The following CFAP298 variants were observed in gnomAD, a reference collection of about 807,000 sequenced individuals.
The protein encoded by CFAP298 is cilia and flagella associated protein 298.
CFAP298 carries 38 observed loss-of-function variants against 41.0 expected under a neutral mutation model. The observed-to-expected ratio is 0.93, with a 90% CI of 0.72 to 1.22. CFAP298 has a LOEUF of 1.22. CFAP298 is among the 50% of genes most tolerant of loss of function. CFAP298 has a pLI of 0.00. For synonymous variants in CFAP298, 137 were observed against 135.3 expected (o/e 1.01, Z -0.09); for missense variants, 348 against 360.3 (o/e 0.97, Z 0.28).
In CFAP298 at chr21:32,601,288, CTTT is replaced by C. The variant is rs1158009254; in HGVS notation, c.*572_*574del. Among the ~76,000 whole-genome samples, 1,991 of 92,050 alleles carry C rather than the reference CTTT, an allele frequency of 0.022. 11 individuals are homozygous for C. Among genetic ancestry groups the C allele is most frequent in the South Asian group, 0.048 (108 of 2,254 alleles). 60.4% of individuals were successfully genotyped at this position (92,050 alleles called of 152,430 possible). The stretch of plus-strand genomic sequence containing the variant: ...CAATCAGGAAGAAAAAAAAGTGTAG[CTTT>C]TTTTTTTTTTTTTTTTTTTTTTGAG... On this transcript the variant is annotated 3_prime_UTR_variant, in exon 7 of 7. Transcript: ENST00000290155.
chr21:32,610,063 G>A, intron 1 of CFAP298, 58 bp from the exon 2 acceptor site: 4 of 1,471,034 alleles, frequency 2.7e-6, no homozygotes, highest in Non-Finnish European at 3.7e-6. Context: ...CCATTGGAAT[G>A]TAAGCTCCAA....
At chr21:32,606,638 C>T (rs1488409918) in intron 3 of CFAP298, among the ~76,000 whole-genome samples, 1 of 152,210 alleles carries the variant, frequency 6.6e-6, no homozygotes, top group East Asian at 1.9e-4. Context: ...TTTGCTGAGG[C>T]TCTTCAAAGA....
intron 3 of CFAP298, among the ~76,000 whole-genome samples, chr21:32,605,926 C>T (rs1462786944): frequency 6.6e-6 from 1 of 152,088 alleles, no homozygotes; most frequent in Admixed American, 6.5e-5. Flanking sequence ...CAAAAGGCTA[C>T]AGGAGAGCCT....
Position 32,612,120 on chromosome 21 carries a change from G to C in CFAP298, c.124C>G (p.Gln42Glu), listed in dbSNP as rs2039014814. 6 of 1,557,704 alleles carry C rather than the reference G, an allele frequency of 3.9e-6. No individual in the cohort carries two copies. The highest frequency in any genetic ancestry group is 5.2e-6 in the Non-Finnish European group (6 of 1,151,328). Residue 42 changes from glutamine to glutamate, a missense_variant, in exon 1 of 7, where the codon CAG becomes GAG. Transcript: ENST00000290155. ...ARVYNGRLKV[Q>E]RLCSEMEELA... Reference sequence around the variant, plus strand: ...CGAGCCGCACCTGAGCAGAGGCGCTGCACCTTGAGCCGCCCATTATAGACC... The same window carrying C: ...CGAGCCGCACCTGAGCAGAGGCGCTCCACCTTGAGCCGCCCATTATAGACC...
rs1006485901 is a variant in CFAP298, at chr21:32,600,115, C to T, written c.*1748G>A. Among the ~76,000 whole-genome samples the T allele has an allele frequency of 1.3e-5, 2 of 152,216 alleles. No homozygotes were observed. The highest frequency in any genetic ancestry group is 2.9e-5 in the Non-Finnish European group (2 of 68,040). ...GAATTTAACACACACGAACTATACA[C>T]TGACAAAGACAGGATGCTCCTGAAA... On this transcript the variant is annotated 3_prime_UTR_variant, in exon 7 of 7. Transcript: ENST00000290155.
At chr21:32,606,553 G>T (rs957379927) in intron 3 of CFAP298, among the ~76,000 whole-genome samples, 2 of 152,320 alleles carry the variant, frequency 1.3e-5, no homozygotes, top group African/African-American at 4.8e-5. Context: ...CAAACGACGG[G>T]CTCAACCAGG....
chr21:32,608,330 TGA>T (rs1476828702), intron 2 of CFAP298, among the ~76,000 whole-genome samples: 1 of 151,582 alleles, frequency 6.6e-6, no homozygotes, highest in Non-Finnish European at 1.5e-5. Flanking sequence ...AATTAGACAT[TGA>T]AAATATTAGA....
chr21:32,602,522 C>G (rs2038766736), intron 5 of CFAP298, 155 bp from the exon 6 acceptor site: 2 of 1,438,870 alleles, frequency 1.4e-6, no homozygotes, highest in Admixed American at 2.7e-5. Context: ...TCAAGGGAAG[C>G]CTTGGTCTTG....
In CFAP298 at chr21:32,601,887, T is replaced by C; in HGVS notation, c.849A>G (p.Lys283=). The C allele has an allele frequency of 3.1e-6, 5 of 1,610,592 alleles. No individual in the cohort carries two copies. Among genetic ancestry groups the C allele is most frequent in the Non-Finnish European group, 4.2e-6 (5 of 1,176,874 alleles). The part of the protein sequence containing the change: ...TALKRHFHGV[K]DIKWRPR ...TTCATCTTGGTCTCCACTTTATGTCTTTCACTCCATGAAAATGTCTTTTCA... is the reference window on the plus strand; with the variant it reads ...TTCATCTTGGTCTCCACTTTATGTCCTTCACTCCATGAAAATGTCTTTTCA... Residue 283 remains lysine (K), a synonymous_variant, in exon 7 of 7, where the codon AAA becomes AAG. Transcript: ENST00000290155.
chr21:32,604,851 G>A (rs2038833443), intron 3 of CFAP298, among the ~76,000 whole-genome samples: 2 of 152,236 alleles, frequency 1.3e-5, no homozygotes, highest in Admixed American at 1.3e-4. Context: ...GAGTGGTAAT[G>A]TTGAGAGATT....
At chr21:32,609,775 A>C in intron 2 of CFAP298, 63 bp downstream of exon 2, 5 of 1,424,472 alleles carry the variant, frequency 3.5e-6, no homozygotes, top group Non-Finnish European at 4.8e-6. Flanking sequence ...AAAAAAAAAA[A>C]GGAACTGTTT....
At chr21:32,608,335 A>G (rs2038913506) in intron 2 of CFAP298, among the ~76,000 whole-genome samples, 2 of 152,088 alleles carry the variant, frequency 1.3e-5, no homozygotes, top group African/African-American at 4.8e-5. Flanking sequence ...GACATTGAAA[A>G]TATTAGAAAC....
rs375347058 is a variant in CFAP298, at chr21:32,609,887, G to A, written c.258C>T (p.Ser86=). Residue 86 remains serine (S), a synonymous_variant, in exon 2 of 7, where the codon AGC becomes AGT. Transcript: ENST00000290155. ...CATCCTTTTTAAACACTGCACCTCCGCTGGGTACGCATTTTTCACCCCATT... is the reference window on the plus strand; with the variant it reads ...CATCCTTTTTAAACACTGCACCTCCACTGGGTACGCATTTTTCACCCCATT... ...KDEWGEKCVP[S]GGAVFKKDDI... is the part of the protein sequence containing the mutation. The A allele has an allele frequency of 2.5e-5, 40 of 1,613,896 alleles. No homozygotes were observed. Among genetic ancestry groups the A allele is most frequent in the Middle Eastern group, 1.6e-4 (1 of 6,084 alleles).
intron 3 of CFAP298, among the ~76,000 whole-genome samples, chr21:32,605,353 G>C (rs549713232): frequency 6.6e-6 from 1 of 152,288 alleles, no homozygotes; most frequent in African/African-American, 2.4e-5. Context: ...TTTATAACGA[G>C]CCCCTTCTCA....
rs1020865208 is a variant in CFAP298 at position 32,600,556 on chromosome 21, C to T, written c.*1307G>A. Among the ~76,000 whole-genome samples the T allele has an allele frequency of 7.2e-6, 1 of 139,116 alleles. No homozygotes were observed. The highest frequency in any genetic ancestry group is 2.4e-4 in the South Asian group (1 of 4,238). The allele number at this position is 139,116 out of a possible 152,430, so 91.3% of individuals were successfully genotyped here. On this transcript the variant is annotated 3_prime_UTR_variant, in exon 7 of 7. Transcript: ENST00000290155. ...ACCAGGAGAACAGGACCCTAGGCACCAAAAGTCAAGCATGAGGGACTGCCA... is the reference window on the plus strand; with the variant it reads ...ACCAGGAGAACAGGACCCTAGGCACTAAAAGTCAAGCATGAGGGACTGCCA...
intron 3 of CFAP298, 79 bp from the exon 4 acceptor site, chr21:32,604,362 T>C: frequency 6.6e-7 from 1 of 1,509,376 alleles, no homozygotes; most frequent in Non-Finnish European, 9.2e-7. Flanking sequence ...TACAAGACCC[T>C]TGCCAGATAC....
intron 5 of CFAP298, chr21:32,602,893 T>TTGCAGCC: frequency 7.4e-7 from 1 of 1,344,976 alleles, no homozygotes. Flanking sequence ...ATCTGTTTAC[T>TTGCAGCC]TGCAGCCCTA....
rs16989555 is a variant in CFAP298 at position 32,599,965 on chromosome 21, C to T, written c.*1898G>A. Reference sequence around the variant, plus strand: ...ACATGAAGCAATGGGATAACTATCACGGCCAAAAGAGTATTCCTACTGCAG... The same window carrying T: ...ACATGAAGCAATGGGATAACTATCATGGCCAAAAGAGTATTCCTACTGCAG... On this transcript the variant is annotated 3_prime_UTR_variant, in exon 7 of 7. Coordinates refer to ENST00000290155, the MANE Select transcript of CFAP298 (RefSeq NM_021254.4). Among the ~76,000 whole-genome samples, 2 of 152,126 alleles carry T rather than the reference C, an allele frequency of 1.3e-5. No homozygotes were observed. Among genetic ancestry groups the T allele is most frequent in the Admixed American group, 6.5e-5 (1 of 15,268 alleles).
intron 2 of CFAP298, 132 bp from the exon 3 acceptor site, chr21:32,607,848 A>G (rs989785754): frequency 3.4e-6 from 2 of 586,050 alleles, no homozygotes; most frequent in African/African-American, 3.8e-5. Context: ...AATTTAGGGA[A>G]GAGAAGCAAG....
Sources: allele counts gnomAD v4.1 joint callset (sites outside exome capture counted in the v4.1 genomes callset), GRCh38; gene constraint gnomAD v4.1.1; transcripts MANE v1.5; gene names NCBI Gene and HGNC (gene_info 2026-07-23, HGNC 2026-07-21).